The following STEAP2 variants were observed in gnomAD, a reference collection of about 807,000 sequenced individuals.
STEAP2 encodes the protein metalloreductase STEAP2.
In STEAP2, 30 loss-of-function variants were observed where a neutral mutation model predicts 46.4. The observed-to-expected ratio is 0.65, with a 90% confidence interval of 0.48 to 0.88. The LOEUF is 0.88. STEAP2 is among the 40% of genes least tolerant of loss of function. The pLI is 0.00. For missense variants in STEAP2, 513 were observed against 579.3 expected (o/e 0.89, Z 1.18); for synonymous variants, 180 against 200.5 (o/e 0.90, Z 0.86).
downstream of STEAP2, among the ~76,000 whole-genome samples, chr7:90,240,582 T>C (rs2116427701): frequency 6.6e-6 from 1 of 152,240 alleles, no homozygotes; most frequent in East Asian, 1.9e-4. The surrounding 1 kb of genome is among the most constrained non-coding windows in gnomAD (Gnocchi z 4.1). Context: ...TTACTAAACA[T>C]TGCTAATTAG....
Position 90,235,250 on chromosome 7 carries a change from A to G in STEAP2, c.*2626A>G, listed in dbSNP as rs1466625631. 3.0e-6 allele frequency: 3 copies of G among 983,778 alleles called. No individual in the cohort carries two copies. Among genetic ancestry groups the G allele is most frequent in the Non-Finnish European group, 3.6e-6 (3 of 828,374 alleles). The allele number at this position is 983,778 out of a possible 1,614,324, so 60.9% of individuals were successfully genotyped here. On this transcript the variant is annotated 3_prime_UTR_variant, in exon 6 of 6. Coordinates refer to ENST00000394621, the MANE Select transcript of STEAP2 (RefSeq NM_001244944.2). ...TATAAAAGATGCATCTGTTGTTTCA[A>G]ATGGCACTATCTTCTTTTCAGTACT...
intron 1 of STEAP2, chr7:90,213,818 T>C (rs1026733411): frequency 6.6e-6 from 1 of 152,216 alleles, no homozygotes; most frequent in South Asian, 2.1e-4. Context: ...CTGAGTGAAT[T>C]ATTCTGCTAT....
chr7:90,220,593 C>T (rs1233254599), intron 2 of STEAP2, among the ~76,000 whole-genome samples: 7 of 152,050 alleles, frequency 4.6e-5, no homozygotes, highest in Non-Finnish European at 8.8e-5. Flanking sequence ...TTTCATCCAT[C>T]CTTTGTATTG....
Position 90,236,775 on chromosome 7 carries a change from T to A in STEAP2, c.*4151T>A. On this transcript the variant is annotated 3_prime_UTR_variant, in exon 6 of 6. Transcript: ENST00000394621. ...GCATTCATCCAAAATTAAGGCAGAC[T>A]GTTTGGATTCTTCCAGTGGCCAGAT... 2 of 1,475,770 alleles carry A rather than the reference T, an allele frequency of 1.4e-6. No homozygotes were observed. The highest frequency in any genetic ancestry group is 1.8e-6 in the Non-Finnish European group (2 of 1,115,344). 91.4% of individuals were successfully genotyped at this position (1,475,770 alleles called of 1,614,324 possible).
At chr7:90,216,803 T>G (rs1205474088) in intron 2 of STEAP2, among the ~76,000 whole-genome samples, 200 bp downstream of exon 2, 4 of 152,212 alleles carry the variant, frequency 2.6e-5, no homozygotes, top group African/African-American at 2.4e-5. Context: ...TAAAAAATGC[T>G]GTTGCTCAGG....
At chr7:90,214,858 T>C (rs1411597294) in intron 1 of STEAP2, among the ~76,000 whole-genome samples, 1 of 152,148 alleles carries the variant, frequency 6.6e-6, no homozygotes, top group East Asian at 1.9e-4. Context: ...TGAGGTGGGG[T>C]AGAGGCAAAA....
chr7:90,243,385 G>T, the STEAP2 span, among the ~76,000 whole-genome samples: 1 of 152,130 alleles, frequency 6.6e-6, no homozygotes, highest in Non-Finnish European at 1.5e-5. Context: ...CAGATTAAAA[G>T]AGTTAGAGTT....
intron 1 of STEAP2, chr7:90,215,422 G>C (rs549905626): frequency 6.6e-6 from 1 of 152,286 alleles, no homozygotes; most frequent in African/African-American, 2.4e-5. Context: ...AAAACCTTAA[G>C]AGGCTGTCCA....
Position 90,225,211 on chromosome 7 carries a change from A to C in STEAP2, c.129A>C (p.Lys43Asn). Residue 43 changes from lysine (K) to asparagine (N), a missense_variant, in exon 3 of 6, where the codon AAA becomes AAC. Lys to Asn is a moderately conservative substitution (Grantham distance 94, BLOSUM62 0). Coordinates refer to ENST00000394621, the MANE Select transcript of STEAP2 (RefSeq NM_001244944.2). ...VGVIGSGDFA[K>N]SLTIRLIRCG... The stretch of plus-strand genomic sequence containing the variant: ...TGATTGGAAGTGGAGATTTTGCCAA[A>C]TCCTTGACCATTCGACTTATTAGAT... The C allele has an allele frequency of 6.2e-7, 1 of 1,614,030 alleles. No individual in the cohort carries two copies. Among genetic ancestry groups the C allele is most frequent in the Non-Finnish European group, 8.5e-7 (1 of 1,179,958 alleles).
At position 90,233,031 on chromosome 7, in the gene STEAP2, A is replaced by C; in HGVS notation, c.*407A>C. ...TTTTCTGAAGATTAAGATTTTAATT[A>C]TTCAACTTAAAAAGTAGAAATGCAT... On this transcript the variant is annotated 3_prime_UTR_variant, in exon 6 of 6. Transcript: ENST00000394621. The C allele has an allele frequency of 1.0e-6, 1 of 964,434 alleles. No homozygotes were observed. Among genetic ancestry groups the C allele is most frequent in the Non-Finnish European group, 1.2e-6 (1 of 810,610 alleles). The allele number at this position is 964,434 out of a possible 1,614,324, so 59.7% of individuals were successfully genotyped here.
At chr7:90,241,750 A>T (rs1254175968), downstream of STEAP2, among the ~76,000 whole-genome samples, 1 of 152,222 alleles carries the variant, frequency 6.6e-6, no homozygotes, top group Non-Finnish European at 1.5e-5. Context: ...CAAGAATCTC[A>T]GTACAGTAGG....
At chr7:90,215,058 G>A (rs1794963495) in intron 1 of STEAP2, among the ~76,000 whole-genome samples, 1 of 152,216 alleles carries the variant, frequency 6.6e-6, no homozygotes, top group African/African-American at 2.4e-5. Flanking sequence ...ACAGCAGTGA[G>A]GACAGCAGTA....
chr7:90,231,211 A>G (rs903898481), intron 5 of STEAP2, among the ~76,000 whole-genome samples: 5 of 152,080 alleles, frequency 3.3e-5, no homozygotes, highest in African/African-American at 1.2e-4. Context: ...TAAAGTGCCT[A>G]ACTGAAGTAT....
downstream of STEAP2, among the ~76,000 whole-genome samples, chr7:90,241,734 G>T (rs1796063762): frequency 6.6e-6 from 1 of 152,160 alleles, no homozygotes; most frequent in Admixed American, 6.5e-5. Flanking sequence ...ATATCAAAGT[G>T]ACTCTCAAGA....
At position 90,235,092 on chromosome 7, in the gene STEAP2, C is replaced by A; in HGVS notation, c.*2468C>A. On this transcript the variant is annotated 3_prime_UTR_variant, in exon 6 of 6. Transcript: ENST00000394621. ...TAACCACTTAATGTGATGAAATATT[C>A]CTAAAAGTTAAATGACTATTAAAGC... The A allele has an allele frequency of 1.1e-6, 1 of 947,224 alleles. No individual in the cohort carries two copies. Among genetic ancestry groups the A allele is most frequent in the Non-Finnish European group, 1.3e-6 (1 of 795,032 alleles). The allele number at this position is 947,224 out of a possible 1,614,324, so 58.7% of individuals were successfully genotyped here. A position where few individuals can be genotyped will look rare whatever the true frequency, so the allele number is the denominator to read the frequency against.
In STEAP2 at chr7:90,232,496, T is replaced by A; in HGVS notation, c.1345T>A (p.Leu449Ile). The change falls in exon 6 of 6, where the codon TTA becomes ATA. Residue 449 changes from leucine to isoleucine, a missense_variant. By Grantham distance (5) the Leu-to-Ile change is conservative. Coordinates refer to ENST00000394621, the MANE Select transcript of STEAP2 (RefSeq NM_001244944.2). The stretch of plus-strand genomic sequence containing the variant: ...AATTGTAATTCTGGGTAAGATTATT[T>A]TATTCCTTCCATGTATAAGCCGAAA... ...PSIVILGKII[L>I]FLPCISRKLK... is the part of the protein sequence containing the mutation. The A allele has an allele frequency of 6.2e-7, 1 of 1,613,806 alleles. No homozygotes were observed.
chr7:90,221,028 T>C (rs762362941), intron 2 of STEAP2, among the ~76,000 whole-genome samples: 1 of 152,212 alleles, frequency 6.6e-6, no homozygotes, highest in Non-Finnish European at 1.5e-5. Flanking sequence ...TGTTGAATCT[T>C]ATTTTGTGTT....
chr7:90,217,386 A>T (rs1455609750), intron 2 of STEAP2, among the ~76,000 whole-genome samples: 1 of 152,102 alleles, frequency 6.6e-6, no homozygotes, highest in Non-Finnish European at 1.5e-5. Context: ...GTATCCATGA[A>T]CCAACATCTC....
chr7:90,223,768 G>A (rs1023749359), intron 2 of STEAP2, among the ~76,000 whole-genome samples: 3 of 152,192 alleles, frequency 2.0e-5, no homozygotes, highest in Non-Finnish European at 4.4e-5. Context: ...ATTGTAAGAT[G>A]TAGGGTGAAT....
Sources: gnomAD v4.1 joint callset for allele counts (sites outside exome capture counted in the v4.1 genomes callset) on GRCh38, gnomAD v4.1.1 for gene constraint, Gnocchi (gnomAD v3.1) non-coding constraint, MANE v1.5 for transcripts, NCBI Gene and HGNC (gene_info 2026-07-23, HGNC 2026-07-21) for gene names.